Variants in TATDN1 observed in about 807,000 individuals in gnomAD.
TATDN1 encodes deoxyribonuclease TATDN1.
Under a neutral mutation model 46.4 loss-of-function variants are expected in TATDN1, and 40 were observed. The ratio of observed to expected loss-of-function variants is 0.86; its 90% CI spans 0.67 to 1.12. The LOEUF (loss-of-function observed/expected upper bound fraction) is 1.12, where lower values mean the gene tolerates loss of function less well. TATDN1 is among the 50% of genes most tolerant of loss of function. TATDN1 has a pLI of 0.00. For missense variants in TATDN1, 326 were observed against 348.4 expected (o/e 0.94, Z 0.51); for synonymous variants, 95 against 105.6 (o/e 0.90, Z 0.62).
rs111237711 is a variant in TATDN1 at position 124,505,055 on chromosome 8, G to A, written c.517-708C>T. On this transcript the variant is annotated intron_variant, in intron 8 of 11. Coordinates refer to ENST00000276692, the MANE Select transcript of TATDN1 (RefSeq NM_032026.4). ...CAGAGGTGAGCCACCGCGCCTGGCC[G>A]AGGATACTTTTTTGTGGAAGAGAAA... Among the ~76,000 whole-genome samples the A allele has an allele frequency of 4.5e-3, 675 of 150,914 alleles. 6 individuals carry two copies. The highest frequency in any genetic ancestry group is 0.015 in the African/African-American group (633 of 41,254).
At chr8:124,489,917 T>G (rs1816816739) in intron 11 of TATDN1, 1 of 152,212 alleles carries the variant, frequency 6.6e-6, no homozygotes, top group African/African-American at 2.4e-5. Context: ...GATCTAAGAT[T>G]AATGGGAATT....
At chr8:124,491,419 G>T (rs1435427665) in intron 11 of TATDN1, 3 of 152,246 alleles carry the variant, frequency 2.0e-5, no homozygotes, top group African/African-American at 7.2e-5. Context: ...CCCAGTCATG[G>T]GTAAACAACT....
chr8:124,521,531 T>C (rs996621536), intron 3 of TATDN1: 1 of 152,224 alleles, frequency 6.6e-6, no homozygotes, highest in African/African-American at 2.4e-5. Context: ...ACTCATTTAG[T>C]CAGCAGTGTC....
At chr8:124,501,111 C>T (rs974498462) in intron 9 of TATDN1, among the ~76,000 whole-genome samples, 10 of 152,190 alleles carry the variant, frequency 6.6e-5, no homozygotes, top group African/African-American at 2.4e-4. Context: ...TGGAGAACAA[C>T]AAGCACAGAG....
At chr8:124,500,232 A>G (rs929053757) in intron 9 of TATDN1, among the ~76,000 whole-genome samples, 1 of 152,370 alleles carries the variant, frequency 6.6e-6, no homozygotes. Flanking sequence ...GGATTAAGTT[A>G]TCATTCCTCA....
intron 11 of TATDN1, chr8:124,491,049 G>GCT: frequency 6.6e-6 from 1 of 152,304 alleles, no homozygotes; most frequent in Non-Finnish European, 1.5e-5. Context: ...CTCCCAAAAT[G>GCT]GTAGGATTAC....
intron 9 of TATDN1, among the ~76,000 whole-genome samples, chr8:124,500,930 C>G (rs898662081): frequency 6.6e-6 from 1 of 152,094 alleles, no homozygotes; most frequent in African/African-American, 2.4e-5. Flanking sequence ...GAAAGAAAGA[C>G]AAACAAACCT....
chr8:124,535,209 CTT>C (rs1277031424), intron 1 of TATDN1, among the ~76,000 whole-genome samples: 1 of 152,186 alleles, frequency 6.6e-6, no homozygotes, highest in Non-Finnish European at 1.5e-5. Context: ...CAAAAAGACA[CTT>C]AGCACTTAGG....
chr8:124,538,611 T>C (rs919778908), intron 1 of TATDN1: 2 of 261,004 alleles, frequency 7.7e-6, no homozygotes, highest in African/African-American at 4.5e-5. Context: ...CTAACTATGA[T>C]ATGAACGAAT....
chr8:124,494,089 A>T, intron 10 of TATDN1, 130 bp from the exon 11 acceptor site: 1 of 847,810 alleles, frequency 1.2e-6, no homozygotes, highest in Non-Finnish European at 1.7e-6. Flanking sequence ...TTATTTCAAC[A>T]GAAAACAGTT....
chr8:124,534,291 A>G (rs1821245062), intron 1 of TATDN1, among the ~76,000 whole-genome samples: 2 of 152,194 alleles, frequency 1.3e-5, no homozygotes, highest in Non-Finnish European at 1.5e-5. Context: ...GAAGAAAATC[A>G]AAAGAATATT....
intron 9 of TATDN1, 33 bp downstream of exon 9, chr8:124,504,238 A>G (rs913215797): frequency 6.0e-6 from 9 of 1,488,568 alleles, no homozygotes; most frequent in Non-Finnish European, 8.3e-6. Flanking sequence ...TGCTTAAATA[A>G]AAGTTAAAAA....
At chr8:124,490,748 G>A (rs1404712283) in intron 11 of TATDN1, among the ~76,000 whole-genome samples, 1 of 130,220 alleles carries the variant, frequency 7.7e-6, no homozygotes, top group South Asian at 2.3e-4. Context: ...GTAAGCACAG[G>A]TTTTTGTTTT....
intron 9 of TATDN1, among the ~76,000 whole-genome samples, chr8:124,501,939 G>C (rs937446667): frequency 1.6e-4 from 24 of 152,184 alleles, no homozygotes; most frequent in Admixed American, 1.6e-3. Context: ...TTAGGAATCA[G>C]AGTAGCAACT....
chr8:124,525,291 G>A (rs1157908327), intron 1 of TATDN1, among the ~76,000 whole-genome samples: 7 of 151,832 alleles, frequency 4.6e-5, no homozygotes, highest in African/African-American at 1.7e-4. Context: ...GATTATAGGC[G>A]CCCACCACCA....
intron 11 of TATDN1, 129 bp downstream of exon 11, chr8:124,493,704 T>C: frequency 9.7e-7 from 1 of 1,030,584 alleles, no homozygotes; most frequent in Non-Finnish European, 1.4e-6. Context: ...ACTGCATTAA[T>C]ATGGTGGTCT....
chr8:124,507,367 CA>C (rs750460260), intron 8 of TATDN1, among the ~76,000 whole-genome samples: 2 of 152,072 alleles, frequency 1.3e-5, no homozygotes, highest in Non-Finnish European at 2.9e-5. Flanking sequence ...AAACCTAAAA[CA>C]AATGGTAAAA....
chr8:124,493,990 G>T, intron 10 of TATDN1, 31 bp from the exon 11 acceptor site: 5 of 1,544,084 alleles, frequency 3.2e-6, no homozygotes, highest in South Asian at 1.3e-5. Context: ...TCTCGTAAGG[G>T]GTTTACATTT....
In TATDN1 at chr8:124,515,872, G is replaced by A. The variant is rs768907069; in HGVS notation, c.346+15C>T. The A allele has an allele frequency of 3.1e-6, 5 of 1,613,742 alleles. No individual in the cohort carries two copies. The highest frequency in any genetic ancestry group is 1.1e-5 in the South Asian group (1 of 90,952). On this transcript the variant is annotated intron_variant, in intron 5 of 11. Transcript: ENST00000276692. Reference sequence around the variant, plus strand: ...TTCAAACAATGTCACTCTAAGAGGCGAGGCTGGCACTCACCAAGTCCGCAT... The same window carrying A: ...TTCAAACAATGTCACTCTAAGAGGCAAGGCTGGCACTCACCAAGTCCGCAT...
Sources: gnomAD v4.1 joint callset for allele counts (sites outside exome capture counted in the v4.1 genomes callset) on GRCh38, gnomAD v4.1.1 for gene constraint, MANE v1.5 for transcripts, NCBI Gene and HGNC (gene_info 2026-07-23, HGNC 2026-07-21) for gene names.